The following PTAR1 variants were observed in gnomAD, a reference collection of about 807,000 sequenced individuals.
The protein encoded by PTAR1 is protein prenyltransferase alpha subunit repeat-containing protein 1.
A neutral mutation model predicts 45.5 loss-of-function variants in PTAR1; 17 were observed. That is an observed-to-expected ratio of 0.37 (90% confidence interval 0.26 to 0.56). PTAR1 has a LOEUF of 0.56. PTAR1 is among the 20% of genes least tolerant of loss of function. The pLI, the probability that PTAR1 is intolerant of heterozygous loss-of-function variation, is 0.77. For missense variants in PTAR1, 391 were observed against 476.3 expected (o/e 0.82, Z 1.67); for synonymous variants, 169 against 171.3 (o/e 0.99, Z 0.11).
chr9:69,728,719 C>T (rs189114904), intron 5 of PTAR1, among the ~76,000 whole-genome samples: 1 of 151,964 alleles, frequency 6.6e-6, no homozygotes, highest in Admixed American at 6.6e-5. Context: ...GCCACACTAC[C>T]CTCAAATATA....
Position 69,711,320 on chromosome 9 carries a change from C to T in PTAR1, c.*7022G>A, listed in dbSNP as rs2134055923. The T allele has an allele frequency of 6.6e-6, 1 of 152,314 alleles. No individual in the cohort carries two copies. Among genetic ancestry groups the T allele is most frequent in the South Asian group, 2.1e-4 (1 of 4,828 alleles). 9.4% of individuals were successfully genotyped at this position (152,314 alleles called of 1,614,324 possible). A position where few individuals can be genotyped will look rare whatever the true frequency, so the allele number is the denominator to read the frequency against. The stretch of plus-strand genomic sequence containing the variant: ...TGCCTAATTACATTTGTACTATACA[C>T]TCTGTTCCTCACAGTTCAGGTAGGA... On this transcript the variant is annotated 3_prime_UTR_variant, in exon 8 of 8. Coordinates refer to ENST00000340434, the MANE Select transcript of PTAR1 (RefSeq NM_001099666.2).
intron 5 of PTAR1, among the ~76,000 whole-genome samples, chr9:69,729,501 C>T (rs1288108272): frequency 1.3e-5 from 2 of 152,148 alleles, no homozygotes; most frequent in Non-Finnish European, 2.9e-5. Flanking sequence ...TTTTTCACTA[C>T]TATAAATGCT....
At chr9:69,726,926 T>A (rs1378143512) in intron 5 of PTAR1, among the ~76,000 whole-genome samples, 1 of 151,536 alleles carries the variant, frequency 6.6e-6, no homozygotes, top group African/African-American at 2.4e-5. Flanking sequence ...TTAAATTCTT[T>A]TTTTTTTTTT....
At chr9:69,723,662 A>C (rs1189708481) in intron 5 of PTAR1, 32 bp from the exon 6 acceptor site, 2 of 1,514,544 alleles carry the variant, frequency 1.3e-6, no homozygotes, top group Non-Finnish European at 9.0e-7. Flanking sequence ...AGTAAGAAGA[A>C]GAGTTCCCAA....
rs2134189880 is a variant in PTAR1, at chr9:69,759,780, GTCGGGTGGACGC to G, written c.86+61_86+72del. The G allele has an allele frequency of 2.1e-6, 3 of 1,403,042 alleles. No homozygotes were observed. In the East Asian group the frequency reaches 9.2e-5, roughly 43 times the overall value. The allele number at this position is 1,403,042 out of a possible 1,614,324, so 86.9% of individuals were successfully genotyped here. A position where few individuals can be genotyped will look rare whatever the true frequency, so the allele number is the denominator to read the frequency against. On this transcript the variant is annotated intron_variant, in intron 1 of 7. Coordinates refer to ENST00000340434, the MANE Select transcript of PTAR1 (RefSeq NM_001099666.2). ...ACCCGCTGTCCGCCCGCCGCCCGAGGTCGGGTGGACGCTTGGCCCCGCCCCCGCCCGCTCCCG... is the reference window on the plus strand; with the variant it reads ...ACCCGCTGTCCGCCCGCCGCCCGAGGTTGGCCCCGCCCCCGCCCGCTCCCG...
rs1446469032 is a variant in PTAR1 at position 69,711,965 on chromosome 9, A to G, written c.*6377T>C. ...ACTAAGCATTTATTGAGCATCTACTATAACTGTACCCAGTCTTTAACTAAT... is the reference window on the plus strand; with the variant it reads ...ACTAAGCATTTATTGAGCATCTACTGTAACTGTACCCAGTCTTTAACTAAT... On this transcript the variant is annotated 3_prime_UTR_variant, in exon 8 of 8. Transcript: ENST00000340434. 2 of 152,148 alleles carry G rather than the reference A, an allele frequency of 1.3e-5. No homozygotes were observed. The highest frequency in any genetic ancestry group is 2.9e-5 in the Non-Finnish European group (2 of 68,018). The allele number at this position is 152,148 out of a possible 1,614,324, so 9.4% of individuals were successfully genotyped here.
At chr9:69,741,936 C>T (rs1826061845) in intron 2 of PTAR1, 78 bp from the exon 3 acceptor site, 4 of 866,774 alleles carry the variant, frequency 4.6e-6, no homozygotes, top group Admixed American at 4.2e-5. Flanking sequence ...TTAAGGTTCT[C>T]TTTCTCTCTA....
rs1470740152 is a variant in PTAR1, at chr9:69,713,761, C to T, written c.*4581G>A. ...AATGGGATGCCTCCAACCCCCAAAACGTTAGTTGCCAGAAAGAAAGAACTA... is the reference window on the plus strand; with the variant it reads ...AATGGGATGCCTCCAACCCCCAAAATGTTAGTTGCCAGAAAGAAAGAACTA... On this transcript the variant is annotated 3_prime_UTR_variant, in exon 8 of 8. Coordinates refer to ENST00000340434, the MANE Select transcript of PTAR1 (RefSeq NM_001099666.2). 1.3e-5 allele frequency: 2 copies of T among 152,188 alleles called. No individual in the cohort carries two copies. The highest frequency in any genetic ancestry group is 2.9e-5 in the Non-Finnish European group (2 of 67,988). The allele number at this position is 152,188 out of a possible 1,614,324, so 9.4% of individuals were successfully genotyped here.
intron 5 of PTAR1, among the ~76,000 whole-genome samples, chr9:69,726,133 T>C (rs1434049213): frequency 2.0e-5 from 3 of 152,114 alleles, no homozygotes; most frequent in Non-Finnish European, 2.9e-5. Flanking sequence ...AAAATTCCAA[T>C]AATATGGGAA....
chr9:69,728,954 C>T (rs1825407334), intron 5 of PTAR1, among the ~76,000 whole-genome samples: 1 of 152,090 alleles, frequency 6.6e-6, no homozygotes, highest in Non-Finnish European at 1.5e-5. Flanking sequence ...CAGCATTTAC[C>T]ATGTGCCAAG....
At chr9:69,725,052 C>G (rs1825202664) in intron 5 of PTAR1, among the ~76,000 whole-genome samples, 1 of 152,040 alleles carries the variant, frequency 6.6e-6, no homozygotes, top group Non-Finnish European at 1.5e-5. Context: ...AAACTCCTAC[C>G]TGAAATAAAA....
chr9:69,736,401 A>C (rs1311343321), intron 3 of PTAR1, among the ~76,000 whole-genome samples: 1 of 152,148 alleles, frequency 6.6e-6, no homozygotes, highest in African/African-American at 2.4e-5. Context: ...TATTAAAAGT[A>C]AAAAAATTAG....
chr9:69,719,452 C>A (rs1356165067), intron 6 of PTAR1, among the ~76,000 whole-genome samples: 1 of 152,164 alleles, frequency 6.6e-6, no homozygotes. Flanking sequence ...TAGGTTGTTA[C>A]ATCTCATCAT....
In PTAR1 at chr9:69,718,425, G is replaced by T. The variant is rs1331332218; in HGVS notation, c.1126C>A (p.Gln376Lys). The T allele has an allele frequency of 5.0e-6, 8 of 1,613,536 alleles. No homozygotes were observed. The South Asian group carries it at 7.7e-5, about 16-fold the overall frequency. The change falls in exon 8 of 8, where the codon CAA becomes AAA. Residue 376 changes from glutamine (Q) to lysine (K), a missense_variant. This residue lies in a region of PTAR1 where 181 missense variants were observed against 227.7 expected (regional missense o/e 0.80). Transcript: ENST00000340434. ...GLEMEHRFID[Q>K]VLSTCRNVEQ... The stretch of plus-strand genomic sequence containing the variant: ...ACGTTCCGACAGGTGGACAATACTT[G>T]ATCAATGAACCTGTGCTCCATTTCT...
intron 4 of PTAR1, among the ~76,000 whole-genome samples, chr9:69,733,443 T>G (rs1825640986): frequency 6.6e-6 from 1 of 152,160 alleles, no homozygotes; most frequent in Non-Finnish European, 1.5e-5. Context: ...TCAGAGTGAC[T>G]TCTTCATTGG....
chr9:69,724,566 C>T (rs1188304481), intron 5 of PTAR1, among the ~76,000 whole-genome samples: 2 of 152,100 alleles, frequency 1.3e-5, no homozygotes, highest in Non-Finnish European at 2.9e-5. Context: ...TCAAAGGTCC[C>T]AGGCAAATGC....
Position 69,716,919 on chromosome 9 carries a change from A to G in PTAR1, c.*1423T>C, listed in dbSNP as rs1824749294. The G allele has an allele frequency of 6.6e-6, 1 of 152,194 alleles. No homozygotes were observed. Among genetic ancestry groups the G allele is most frequent in the South Asian group, 2.1e-4 (1 of 4,836 alleles). 9.4% of individuals were successfully genotyped at this position (152,194 alleles called of 1,614,324 possible). ...ACAAAAATGACACACAAAAGTGACA[A>G]AAAATACGTAATGGATTGGCAAAAC... On this transcript the variant is annotated 3_prime_UTR_variant, in exon 8 of 8. Transcript: ENST00000340434.
intron 3 of PTAR1, among the ~76,000 whole-genome samples, chr9:69,738,952 T>C (rs1259700055): frequency 1.3e-5 from 2 of 151,928 alleles, no homozygotes; most frequent in Admixed American, 1.3e-4. Context: ...GGACTACACA[T>C]GTGCACTGAC....
At chr9:69,721,815 AT>A (rs796241337) in intron 6 of PTAR1, among the ~76,000 whole-genome samples, 1,679 of 149,456 alleles carry the variant, frequency 0.011, 34 homozygotes, top group African/African-American at 0.036. Context: ...AGATATGCAC[AT>A]TTTTTTTTTA....
Sources: allele counts gnomAD v4.1 joint callset (sites outside exome capture counted in the v4.1 genomes callset), GRCh38; gene constraint gnomAD v4.1.1; regional missense constraint gnomAD v4.1.1; transcripts MANE v1.5; gene names NCBI Gene and HGNC (gene_info 2026-07-23, HGNC 2026-07-21).